Variants in TRAPPC9 observed in about 807,000 individuals in gnomAD.
TRAPPC9 encodes the protein IKK2 binding protein.
TRAPPC9 carries 83 observed loss-of-function variants against 124.0 expected under a neutral mutation model. The ratio of observed to expected loss-of-function variants is 0.67; its 90% CI spans 0.56 to 0.80. The LOEUF (loss-of-function observed/expected upper bound fraction) is 0.80, where lower values mean the gene tolerates loss of function less well. Among genes scored for constraint, TRAPPC9 ranks in the 30% least tolerant of loss-of-function variants. The probability of loss-of-function intolerance (pLI) is 0.00; values close to 1 mark genes in which losing one functional copy is unlikely to be tolerated. For synonymous variants in TRAPPC9, 638 were observed against 617.5 expected (o/e 1.03, Z -0.49); for missense variants, 1,302 against 1,508.3 (o/e 0.86, Z 2.27).
At chr8:140,235,507 A>T (rs1307506053) in intron 16 of TRAPPC9, among the ~76,000 whole-genome samples, 1 of 152,254 alleles carries the variant, frequency 6.6e-6, no homozygotes, top group Non-Finnish European at 1.5e-5. Flanking sequence ...ACTTCACAAA[A>T]GTATATATCC....
intron 9 of TRAPPC9, among the ~76,000 whole-genome samples, chr8:140,358,868 C>T (rs2067838057): frequency 6.6e-6 from 1 of 152,128 alleles, no homozygotes; most frequent in Non-Finnish European, 1.5e-5. Context: ...CATCAAGACC[C>T]TACCCTTTCC....
intron 19 of TRAPPC9, among the ~76,000 whole-genome samples, chr8:139,940,160 C>T (rs977907300): frequency 1.3e-5 from 2 of 152,206 alleles, no homozygotes; most frequent in African/African-American, 2.4e-5. Flanking sequence ...GGATCCGCCA[C>T]GGCCTCCACC....
intron 9 of TRAPPC9, among the ~76,000 whole-genome samples, chr8:140,352,622 C>A (rs1317220229): frequency 2.6e-5 from 4 of 152,200 alleles, no homozygotes; most frequent in Admixed American, 2.6e-4. Context: ...GCCGCCGCTC[C>A]CTGCCTGAAG....
chr8:140,067,599 G>A (rs535970732), intron 17 of TRAPPC9, among the ~76,000 whole-genome samples: 6 of 152,320 alleles, frequency 3.9e-5, no homozygotes, highest in East Asian at 1.9e-4. Flanking sequence ...AACTGAAAGC[G>A]AACTTGGGGG....
intron 20 of TRAPPC9, among the ~76,000 whole-genome samples, chr8:139,892,890 C>G (rs972267402): frequency 1.3e-5 from 2 of 152,226 alleles, no homozygotes; most frequent in African/African-American, 4.8e-5. Flanking sequence ...CACTGGCACC[C>G]AGTCGTCTAT....
chr8:140,098,068 A>C (rs986154895), intron 17 of TRAPPC9: 11 of 146,558 alleles, frequency 7.5e-5, no homozygotes, highest in African/African-American at 2.5e-4. Context: ...AGCACCAGGC[A>C]ATCCGCAGGG....
chr8:139,756,883 G>C (rs1275279806), intron 21 of TRAPPC9, among the ~76,000 whole-genome samples: 3 of 130,332 alleles, frequency 2.3e-5, no homozygotes, highest in Admixed American at 7.6e-5. Flanking sequence ...ACAGCAGGTC[G>C]CAGGAGGAGC....
chr8:140,077,774 T>A (rs1448703794), intron 17 of TRAPPC9, among the ~76,000 whole-genome samples: 2 of 151,948 alleles, frequency 1.3e-5, no homozygotes, highest in African/African-American at 4.8e-5. Context: ...GAGAAAGCAA[T>A]GCAGGCGGAA....
rs577379873 is a variant in TRAPPC9, at chr8:140,023,971, A to G, written c.2665T>C (p.Phe889Leu). 6 of 1,614,098 alleles carry G rather than the reference A, an allele frequency of 3.7e-6. No homozygotes were observed. In the East Asian group the frequency reaches 1.3e-4, roughly 36 times the overall value. The change falls in exon 18 of 23, where the codon TTT becomes CTT. Residue 889 changes from phenylalanine to leucine, a missense_variant. Physicochemically the swap from Phe to Leu is conservative, Grantham distance 22. Transcript: ENST00000438773. ...GGGAGGGTGCTGACTCGGGTGAAAA[A>G]TACAGACGGCTCGACTTCTACATGC... The part of the protein sequence containing the change: ...GLHVEVEPSV[F>L]FTRVSTLPAT...
rs1842758963 is a variant in TRAPPC9, at chr8:140,063,682, A to C, written c.2557-39603T>G. 6.6e-6 allele frequency among the ~76,000 whole-genome samples: 1 copy of C among 152,236 alleles called. No homozygotes were observed. Among genetic ancestry groups the C allele is most frequent in the African/African-American group, 2.4e-5 (1 of 41,452 alleles). ...TTTTCCATAAAAGAATTATTTCGGC[A>C]GGATGCTGAACTAATACTAACTAGA... On this transcript the variant is annotated intron_variant, in intron 17 of 22. Coordinates refer to ENST00000438773, the MANE Select transcript of TRAPPC9 (RefSeq NM_001160372.4). This position sits in a 1 kb window ranked among gnomAD's most constrained non-coding sequence, Gnocchi z 4.3.
At chr8:139,772,022 C>T (rs1374257782) in intron 21 of TRAPPC9, among the ~76,000 whole-genome samples, 7 of 152,200 alleles carry the variant, frequency 4.6e-5, no homozygotes, top group Non-Finnish European at 7.3e-5. Context: ...AATTATGCTG[C>T]GGCCTGGTGT....
rs565691161 is a variant in TRAPPC9 at position 139,932,318 on chromosome 8, GCTTGGCCACAGGTC to G, written c.2811-22032_2811-22019del. On this transcript the variant is annotated intron_variant, in intron 19 of 22. Transcript: ENST00000438773. ...AATGTCCCCACCTCGTGGATGTCAG[GCTTGGCCACAGGTC>G]CTTGGCCACGGGACCTGAGCAGAGT... The G allele has an allele frequency of 6.0e-4, 275 of 457,850 alleles. No individual in the cohort carries two copies. The Middle Eastern group carries it at 8.1e-3, about 14-fold the overall frequency. 28.4% of individuals were successfully genotyped at this position (457,850 alleles called of 1,614,324 possible).
chr8:139,747,525 A>G (rs1290296821), intron 21 of TRAPPC9, among the ~76,000 whole-genome samples: 1 of 108,454 alleles, frequency 9.2e-6, no homozygotes, highest in East Asian at 3.3e-4. Context: ...GGGGGTACAC[A>G]CAGCAGGAGT....
intron 21 of TRAPPC9, among the ~76,000 whole-genome samples, chr8:139,841,927 G>C (rs1826759525): frequency 1.3e-5 from 2 of 152,244 alleles, no homozygotes. Flanking sequence ...ACTAGACAGG[G>C]CAGGAGGGAA....
In TRAPPC9 at chr8:139,742,771, G is replaced by A. The variant is rs984609128; in HGVS notation, c.3056-10569C>T. Among the ~76,000 whole-genome samples the A allele has an allele frequency of 2.6e-5, 4 of 152,198 alleles. No individual in the cohort carries two copies. The highest frequency in any genetic ancestry group is 6.5e-5 in the Admixed American group (1 of 15,282). ...GCTGGGTGGGGGTAGGCAGCTGGCAGACACTCCTGGCACCCAGGAAACATT... is the reference window on the plus strand; with the variant it reads ...GCTGGGTGGGGGTAGGCAGCTGGCAAACACTCCTGGCACCCAGGAAACATT... On this transcript the variant is annotated intron_variant, in intron 21 of 22. Transcript: ENST00000438773. The surrounding 1 kb of genome is among the most constrained non-coding windows in gnomAD (Gnocchi z 4.7).
chr8:140,119,200 C>A (rs570747715), intron 17 of TRAPPC9, among the ~76,000 whole-genome samples: 3 of 152,246 alleles, frequency 2.0e-5, no homozygotes, highest in Non-Finnish European at 4.4e-5. Context: ...CCAGGCGTGG[C>A]GTCCTGCAGC....
chr8:140,457,429 G>A (rs998263866), intron 1 of TRAPPC9, among the ~76,000 whole-genome samples: 1 of 152,214 alleles, frequency 6.6e-6, no homozygotes, highest in Non-Finnish European at 1.5e-5. Flanking sequence ...GATGTAAGCA[G>A]AGCGCCAACA....
intron 18 of TRAPPC9, among the ~76,000 whole-genome samples, chr8:140,013,658 C>T (rs558900983): frequency 2.6e-5 from 4 of 152,278 alleles, no homozygotes; most frequent in African/African-American, 9.6e-5. Context: ...GCTGCAAAGC[C>T]GCCTGTGTTT....
intron 21 of TRAPPC9, 137 bp downstream of exon 21, chr8:139,885,742 C>G (rs1829964725): frequency 1.2e-6 from 1 of 825,174 alleles, no homozygotes; most frequent in Non-Finnish European, 2.0e-6. Context: ...GTCTTTTTCC[C>G]CCAAGGTTTC....
Sources: gnomAD v4.1 joint callset for allele counts (sites outside exome capture counted in the v4.1 genomes callset) on GRCh38, gnomAD v4.1.1 for gene constraint, Gnocchi (gnomAD v3.1) non-coding constraint, MANE v1.5 for transcripts, NCBI Gene and HGNC (gene_info 2026-07-23, HGNC 2026-07-21) for gene names.